OSBPL3: variants seen among roughly 807,000 people sequenced by gnomAD.
OSBPL3 encodes the protein oxysterol binding protein like 3.
In OSBPL3, 65 loss-of-function variants were observed where a neutral mutation model predicts 120.1. That is an observed-to-expected ratio of 0.54 (90% confidence interval 0.44 to 0.67). The LOEUF is 0.67. OSBPL3 is among the 30% of genes least tolerant of loss of function. The probability of loss-of-function intolerance (pLI) is 0.00; values close to 1 mark genes in which losing one functional copy is unlikely to be tolerated. For missense variants in OSBPL3, 1,004 were observed against 1,082.1 expected (o/e 0.93, Z 1.01); for synonymous variants, 416 against 402.6 (o/e 1.03, Z -0.40).
chr7:24,809,544 CAG>C (rs1344542983), intron 20 of OSBPL3, among the ~76,000 whole-genome samples: 3 of 152,276 alleles, frequency 2.0e-5, no homozygotes, highest in South Asian at 4.2e-4. Flanking sequence ...CAGATTCCCT[CAG>C]AGAGTGCCCA....
At position 24,899,098 on chromosome 7, in the gene OSBPL3, G is replaced by T. The variant is rs893348793; in HGVS notation, c.-149-6477C>A. On this transcript the variant is annotated intron_variant, in intron 1 of 22. Transcript: ENST00000313367. This position sits in a 1 kb window ranked among gnomAD's most constrained non-coding sequence, Gnocchi z 4.0. ...CTTTTCTTCTCCAGACTAAACAGCC[G>T]CATTGTCATCATCATCCATTTCTTA... Among the ~76,000 whole-genome samples, 6 of 152,072 alleles carry T rather than the reference G, an allele frequency of 3.9e-5. No individual in the cohort carries two copies. In the East Asian group the frequency reaches 1.2e-3, roughly 29 times the overall value.
intron 9 of OSBPL3, 128 bp from the exon 10 acceptor site, chr7:24,861,897 TTTTG>T: frequency 3.5e-6 from 2 of 564,476 alleles, no homozygotes; most frequent in East Asian, 4.0e-5. Flanking sequence ...TTTTTTTTTT[TTTTG>T]GGGGGGATGG....
rs1398380807 is a variant in OSBPL3, at chr7:24,820,711, G to A, written c.1885-473C>T. ...CCCAAAATGTTCTTCCTCGGGCTCA[G>A]CCAATTTAACTCTTGAAAACTCTGC... On this transcript the variant is annotated intron_variant, in intron 16 of 22. Transcript: ENST00000313367. This position sits in a 1 kb window ranked among gnomAD's most constrained non-coding sequence, Gnocchi z 4.6. Among the ~76,000 whole-genome samples the A allele has an allele frequency of 6.6e-6, 1 of 151,772 alleles. No homozygotes were observed. Among genetic ancestry groups the A allele is most frequent in the Non-Finnish European group, 1.5e-5 (1 of 67,980 alleles).
At chr7:24,941,677 G>A (rs1005529137) in intron 1 of OSBPL3, among the ~76,000 whole-genome samples, 17 of 152,314 alleles carry the variant, frequency 1.1e-4, no homozygotes, top group African/African-American at 3.6e-4. Flanking sequence ...ATGACAATCT[G>A]TTCTCCCACT....
rs11307992 is a variant in OSBPL3 at position 24,876,421 on chromosome 7, GTT to G, written c.97-4354_97-4353del. 4.9e-4 allele frequency among the ~76,000 whole-genome samples: 73 copies of G among 148,374 alleles called. 2 individuals are homozygous for G. The highest frequency in any genetic ancestry group is 6.9e-3 in the Middle Eastern group (2 of 288). On this transcript the variant is annotated intron_variant, in intron 2 of 22. Transcript: ENST00000313367. ...ATTTAGCAATTAATTAACTTCTAAG[GTT>G]TTTTTTTTTTCTTCCCTTTCATTTT... is the stretch of plus-strand genomic sequence containing the variant.
chr7:24,875,413 T>G (rs1190809214), intron 2 of OSBPL3, among the ~76,000 whole-genome samples: 1 of 152,240 alleles, frequency 6.6e-6, no homozygotes, highest in Non-Finnish European at 1.5e-5. Flanking sequence ...CATTATGTCT[T>G]CTGGTGTAGT....
In OSBPL3 at chr7:24,855,428, G is replaced by A. The variant is rs1799720347; in HGVS notation, c.1028-2794C>T. Among the ~76,000 whole-genome samples, 1 of 152,188 alleles carries A rather than the reference G, an allele frequency of 6.6e-6. No homozygotes were observed. The highest frequency in any genetic ancestry group is 2.4e-5 in the African/African-American group (1 of 41,456). The stretch of plus-strand genomic sequence containing the variant: ...GAATATACAATATTTGGTTCAAAAT[G>A]TACAGCTGACAAGATTGCAATAGGT... On this transcript the variant is annotated intron_variant, in intron 10 of 22. Transcript: ENST00000313367. The surrounding 1 kb of genome is among the most constrained non-coding windows in gnomAD (Gnocchi z 4.3).
chr7:24,979,979 C>T lies in OSBPL3; in HGVS notation c.-243G>A, dbSNP rs763079383. Reference sequence around the variant, plus strand: ...CCGGGAGAAGGCAACCCCGGCTTCTCCGGTACCCCCGCAACGTGCAGCTGA... The same window carrying T: ...CCGGGAGAAGGCAACCCCGGCTTCTTCGGTACCCCCGCAACGTGCAGCTGA... On this transcript the variant is annotated 5_prime_UTR_variant, in exon 1 of 23. Transcript: ENST00000313367. The T allele has an allele frequency of 4.4e-5, 43 of 985,300 alleles. No individual in the cohort carries two copies. The highest frequency in any genetic ancestry group is 5.1e-5 in the Non-Finnish European group (42 of 830,022). The allele number at this position is 985,300 out of a possible 1,614,324, so 61.0% of individuals were successfully genotyped here.
At chr7:24,865,965 T>C (rs1000012423) in intron 6 of OSBPL3, 105 bp downstream of exon 6, 3 of 842,138 alleles carry the variant, frequency 3.6e-6, no homozygotes, top group Non-Finnish European at 5.9e-6. Context: ...CCTACCCTGC[T>C]TGTCCCCGAA....
At position 24,865,325 on chromosome 7, in the gene OSBPL3, G is replaced by A. The variant is rs367611073; in HGVS notation, c.673+17C>T. ...CTAATAGCCACAACAGAAAGCAGAC[G>A]TTTCAAGTCACTCTACCTTTGGAGC... On this transcript the variant is annotated intron_variant, in intron 7 of 22. Transcript: ENST00000313367. The A allele has an allele frequency of 3.0e-5, 49 of 1,612,708 alleles. No homozygotes were observed. Among genetic ancestry groups the A allele is most frequent in the Non-Finnish European group, 3.8e-5 (45 of 1,179,364 alleles).
intron 19 of OSBPL3, among the ~76,000 whole-genome samples, chr7:24,810,557 A>G (rs747585500): frequency 6.6e-6 from 1 of 152,152 alleles, no homozygotes; most frequent in Non-Finnish European, 1.5e-5. Flanking sequence ...AAACAAAAAC[A>G]AAAACTCTCT....
intron 1 of OSBPL3, among the ~76,000 whole-genome samples, chr7:24,941,293 A>G (rs902346987): frequency 2.2e-4 from 34 of 152,214 alleles, no homozygotes; most frequent in African/African-American, 8.2e-4. Context: ...ATTTAGAAAA[A>G]CCCTGGAGGA....
Position 24,900,985 on chromosome 7 carries a change from C to T in OSBPL3, c.-149-8364G>A, listed in dbSNP as rs913195351. Among the ~76,000 whole-genome samples, 5 of 148,050 alleles carry T rather than the reference C, an allele frequency of 3.4e-5. No homozygotes were observed. The highest frequency in any genetic ancestry group is 1.0e-4 in the African/African-American group (4 of 40,056). On this transcript the variant is annotated intron_variant, in intron 1 of 22. Coordinates refer to ENST00000313367, the MANE Select transcript of OSBPL3 (RefSeq NM_015550.4). The surrounding 1 kb of genome is among the most constrained non-coding windows in gnomAD (Gnocchi z 4.5). ...GCAGTGAGCTGAGGTTTTGCCACTG[C>T]ACTCCAGCCTGGGCTACAGAGCCAG...
intron 20 of OSBPL3, among the ~76,000 whole-genome samples, chr7:24,809,378 G>C (rs991530298): frequency 6.6e-6 from 1 of 152,152 alleles, no homozygotes; most frequent in African/African-American, 2.4e-5. Context: ...GATGGCTTTT[G>C]GGGTTAGGTC....
rs960438077 is a variant in OSBPL3 at position 24,810,090 on chromosome 7, C to A, written c.2173-139G>T. ...ATATTAGTTTGCTAGTTCTGGGTTCCGTTTTTTTAACCGACAAATAAAAAA... is the reference window on the plus strand; with the variant it reads ...ATATTAGTTTGCTAGTTCTGGGTTCAGTTTTTTTAACCGACAAATAAAAAA... On this transcript the variant is annotated intron_variant, in intron 19 of 22. Coordinates refer to ENST00000313367, the MANE Select transcript of OSBPL3 (RefSeq NM_015550.4). The A allele has an allele frequency of 1.4e-5, 12 of 842,860 alleles. No individual in the cohort carries two copies. In the Admixed American group the frequency reaches 2.6e-4, roughly 18 times the overall value. 52.2% of individuals were successfully genotyped at this position (842,860 alleles called of 1,614,324 possible).
chr7:24,902,506 G>C (rs553839607), intron 1 of OSBPL3, among the ~76,000 whole-genome samples: 1 of 152,066 alleles, frequency 6.6e-6, no homozygotes, highest in African/African-American at 2.4e-5. Flanking sequence ...CTGATGCAAT[G>C]AACAAACTTG....
At chr7:24,942,725 A>G (rs1046620106) in intron 1 of OSBPL3, among the ~76,000 whole-genome samples, 1 of 152,222 alleles carries the variant, frequency 6.6e-6, no homozygotes, top group African/African-American at 2.4e-5. Context: ...CGTATATTTT[A>G]TAACACCTCC....
chr7:24,801,019 C>T (rs1415884617), intron 22 of OSBPL3, among the ~76,000 whole-genome samples: 1 of 149,604 alleles, frequency 6.7e-6, no homozygotes, highest in Non-Finnish European at 1.5e-5. Flanking sequence ...GAAGCGGGCA[C>T]ATCACGAGGT....
intron 1 of OSBPL3, among the ~76,000 whole-genome samples, chr7:24,931,457 C>T (rs1160706978): frequency 6.6e-6 from 1 of 151,938 alleles, no homozygotes. Context: ...AAGAGGGCGT[C>T]AGGAGATGTA....
Sources: allele counts gnomAD v4.1 joint callset (sites outside exome capture counted in the v4.1 genomes callset), GRCh38; gene constraint gnomAD v4.1.1; non-coding constraint Gnocchi (gnomAD v3.1); transcripts MANE v1.5; gene names NCBI Gene and HGNC (gene_info 2026-07-23, HGNC 2026-07-21).